Variants in GFOD1 observed in about 807,000 individuals in gnomAD.
GFOD1 encodes glucose-fructose oxidoreductase domain-containing protein 1.
A neutral mutation model predicts 25.4 loss-of-function variants in GFOD1; 9 were observed. The observed-to-expected ratio is 0.35, with a 90% CI of 0.21 to 0.62. The LOEUF is 0.62. Ranked by LOEUF, GFOD1 falls within the 20% of genes least tolerant of loss-of-function variation. The probability of loss-of-function intolerance (pLI) is 0.72; values close to 1 mark genes in which losing one functional copy is unlikely to be tolerated. For missense variants in GFOD1, 403 were observed against 556.9 expected, an observed-to-expected ratio of 0.72 and a Z score of 2.78; for synonymous variants, 253 against 245.6, an observed-to-expected ratio of 1.03 and a Z score of -0.28.
chr6:13,424,927 G>A (rs956951076), intron 1 of GFOD1, among the ~76,000 whole-genome samples: 2 of 151,172 alleles, frequency 1.3e-5, no homozygotes, highest in East Asian at 3.9e-4. Context: ...AGTATTCTGA[G>A]GGCTTTATAT....
At chr6:13,400,183 G>A (rs532945196) in intron 1 of GFOD1, among the ~76,000 whole-genome samples, 10 of 152,252 alleles carry the variant, frequency 6.6e-5, no homozygotes, top group South Asian at 2.1e-4. Flanking sequence ...ATGCAGGACC[G>A]GGCAGGGATT....
chr6:13,424,411 C>G (rs569359823), intron 1 of GFOD1, among the ~76,000 whole-genome samples: 10 of 152,292 alleles, frequency 6.6e-5, no homozygotes, highest in African/African-American at 2.2e-4. Context: ...CCTCTTTAAA[C>G]AGAGAAGCCA....
intron 1 of GFOD1, among the ~76,000 whole-genome samples, chr6:13,478,909 C>T (rs1463858905): frequency 1.3e-5 from 2 of 152,200 alleles, no homozygotes; most frequent in Middle Eastern, 3.4e-3. Flanking sequence ...CCCCTAAGCA[C>T]CCCCACTGCA....
chr6:13,471,077 A>C (rs1326618113), intron 1 of GFOD1, among the ~76,000 whole-genome samples: 1 of 152,196 alleles, frequency 6.6e-6, no homozygotes, highest in East Asian at 1.9e-4. Flanking sequence ...GAGTGGAGAG[A>C]GGAGGAATAA....
intron 1 of GFOD1, among the ~76,000 whole-genome samples, chr6:13,419,917 C>T (rs952869740): frequency 1.3e-5 from 2 of 152,252 alleles, no homozygotes; most frequent in Admixed American, 6.5e-5. Context: ...CCCCTCGCCC[C>T]TATCACTCCT....
chr6:13,372,618 T>TGGAG (rs1785174192), intron 1 of GFOD1, among the ~76,000 whole-genome samples: 1 of 152,122 alleles, frequency 6.6e-6, no homozygotes, highest in Non-Finnish European at 1.5e-5. Context: ...TAGGGAAAGA[T>TGGAG]GGAGCTCTGT....
chr6:13,385,101 G>A (rs573295202), intron 1 of GFOD1, among the ~76,000 whole-genome samples: 1 of 152,298 alleles, frequency 6.6e-6, no homozygotes, highest in South Asian at 2.1e-4. Context: ...TTGCAGGCCT[G>A]TCTTCTGTAT....
At chr6:13,455,183 C>T (rs561873780) in intron 1 of GFOD1, among the ~76,000 whole-genome samples, 22 of 152,246 alleles carry the variant, frequency 1.4e-4, no homozygotes, top group African/African-American at 5.3e-4. Flanking sequence ...CCTGAAACAG[C>T]CCCAAAGCCT....
At position 13,430,511 on chromosome 6, in the gene GFOD1, CACATAGGGTATG is replaced by C. The variant is rs1474145185; in HGVS notation, c.253+56115_253+56126del. Among the ~76,000 whole-genome samples, 15 of 151,908 alleles carry C rather than the reference CACATAGGGTATG, an allele frequency of 9.9e-5. No individual in the cohort carries two copies. The highest frequency in any genetic ancestry group is 3.6e-4 in the African/African-American group (15 of 41,360). ...CATTGCACTGTGAAGGAACCCGAGC[CACATAGGGTATG>C]GCATCAAGCATAAACAGAGTGCAGG... On this transcript the variant is annotated intron_variant, in intron 1 of 1. Coordinates refer to ENST00000379287, the MANE Select transcript of GFOD1 (RefSeq NM_018988.4). This position sits in a 1 kb window ranked among gnomAD's most constrained non-coding sequence, Gnocchi z 4.1.
chr6:13,394,519 G>A (rs1171888201), intron 1 of GFOD1, among the ~76,000 whole-genome samples: 9 of 116,594 alleles, frequency 7.7e-5, no homozygotes, highest in African/African-American at 2.8e-4. Flanking sequence ...CTTTTGCCCA[G>A]GCTGGAGTGC....
intron 1 of GFOD1, among the ~76,000 whole-genome samples, chr6:13,370,809 T>TGA (rs921276821): frequency 2.0e-5 from 3 of 152,156 alleles, no homozygotes; most frequent in Admixed American, 6.5e-5. Context: ...AAAGGGAACT[T>TGA]GCATTGTCTG....
chr6:13,376,154 C>G (rs1301982807), intron 1 of GFOD1, among the ~76,000 whole-genome samples: 2 of 152,166 alleles, frequency 1.3e-5, no homozygotes, highest in Non-Finnish European at 2.9e-5. Context: ...GCAGTCCTCC[C>G]CTTCATGTCA....
chr6:13,462,186 G>T (rs892490283), intron 1 of GFOD1, among the ~76,000 whole-genome samples: 1 of 152,218 alleles, frequency 6.6e-6, no homozygotes, highest in African/African-American at 2.4e-5. Flanking sequence ...GGTGAGGAAG[G>T]ATCTGATATA....
At chr6:13,416,576 C>CA (rs1786167329) in intron 1 of GFOD1, among the ~76,000 whole-genome samples, 1 of 152,124 alleles carries the variant, frequency 6.6e-6, no homozygotes. Flanking sequence ...TGTGCCATCA[C>CA]AAAAGGGATA....
In GFOD1 at chr6:13,411,021, C is replaced by T. The variant is rs189773413; in HGVS notation, c.254-45359G>A. ...ATTGTATGGTAAACCTGAGCTTTCA[C>T]CAGGAGGAGCCCAGCTCCTGCAAAC... On this transcript the variant is annotated intron_variant, in intron 1 of 1. Coordinates refer to ENST00000379287, the MANE Select transcript of GFOD1 (RefSeq NM_018988.4). Among the ~76,000 whole-genome samples, 10 of 152,324 alleles carry T rather than the reference C, an allele frequency of 6.6e-5. No homozygotes were observed. In the South Asian group the frequency reaches 8.3e-4, roughly 13 times the overall value.
chr6:13,368,439 T>C (rs990966511), intron 1 of GFOD1, among the ~76,000 whole-genome samples: 3 of 152,216 alleles, frequency 2.0e-5, no homozygotes, highest in Non-Finnish European at 4.4e-5. Context: ...TAACATTATG[T>C]TCTGACAATA....
At chr6:13,395,886 T>A (rs1282701952) in intron 1 of GFOD1, among the ~76,000 whole-genome samples, 1 of 152,196 alleles carries the variant, frequency 6.6e-6, no homozygotes, top group Non-Finnish European at 1.5e-5. Context: ...TCCAGGGCAC[T>A]GAGGCAATTC....
In GFOD1 at chr6:13,479,280, C is replaced by A. The variant is rs377464357; in HGVS notation, c.253+7358G>T. Among the ~76,000 whole-genome samples, 115 of 152,224 alleles carry A rather than the reference C, an allele frequency of 7.6e-4. 1 individual carries two copies. The South Asian group carries it at 0.022, about 30-fold the overall frequency. On this transcript the variant is annotated intron_variant, in intron 1 of 1. Transcript: ENST00000379287. ...TGAGCTTGATGCAGAGAGCTGAGGG[C>A]AGCTGCCAGGTAGGTCTTTATATTT...
chr6:13,455,622 C>A (rs1163337680), intron 1 of GFOD1, among the ~76,000 whole-genome samples: 1 of 152,184 alleles, frequency 6.6e-6, no homozygotes, highest in Non-Finnish European at 1.5e-5. Context: ...AGCAGCACCC[C>A]ACATGGGCCA....
Sources: allele counts gnomAD v4.1 joint callset (sites outside exome capture counted in the v4.1 genomes callset), GRCh38; gene constraint gnomAD v4.1.1; non-coding constraint Gnocchi (gnomAD v3.1); transcripts MANE v1.5; gene names NCBI Gene and HGNC (gene_info 2026-07-23, HGNC 2026-07-21).